Variants in ITPR1 observed in about 807,000 individuals in gnomAD.
ITPR1 encodes inositol 1,4,5-trisphosphate-gated calcium channel ITPR1.
ITPR1 carries 96 observed loss-of-function variants against 318.4 expected under a neutral mutation model. The ratio of observed to expected loss-of-function variants is 0.30; its 90% confidence interval spans 0.26 to 0.36. ITPR1 has a LOEUF of 0.36. ITPR1 is among the 10% of genes least tolerant of loss of function. The pLI is 1.00. For synonymous variants in ITPR1, 1,312 were observed against 1,289.9 expected, an observed-to-expected ratio of 1.02 and a Z score of -0.37; for missense variants, 2,440 against 3,460.2, an observed-to-expected ratio of 0.71 and a Z score of 7.40.
chr3:4,516,399 GC>G, intron 2 of ITPR1, 76 bp from the exon 3 acceptor site: 1 of 757,014 alleles, frequency 1.3e-6, no homozygotes, highest in South Asian at 2.0e-5. Flanking sequence ...ATTGAGCTAA[GC>G]CAACTCTTAG....
chr3:4,612,274 C>A (rs1359812867), intron 4 of ITPR1, among the ~76,000 whole-genome samples: 1 of 151,932 alleles, frequency 6.6e-6, no homozygotes, highest in Non-Finnish European at 1.5e-5. Context: ...GTTGGCCAGG[C>A]TGGTCTCGAG....
chr3:4,592,945 G>A (rs758075030), intron 4 of ITPR1, among the ~76,000 whole-genome samples: 1 of 152,132 alleles, frequency 6.6e-6, no homozygotes, highest in Non-Finnish European at 1.5e-5. Context: ...GGAACACTGC[G>A]GGAGTGGTCT....
chr3:4,624,150 TG>T (rs2092737958), intron 4 of ITPR1, among the ~76,000 whole-genome samples: 1 of 152,182 alleles, frequency 6.6e-6, no homozygotes, highest in African/African-American at 2.4e-5. Context: ...TTTTTGGGAA[TG>T]CATACCACTT....
intron 4 of ITPR1, among the ~76,000 whole-genome samples, chr3:4,564,193 G>A (rs1377897531): frequency 6.6e-6 from 1 of 151,996 alleles, no homozygotes; most frequent in South Asian, 2.1e-4. Context: ...CACCCGCCTC[G>A]GCCTCCCAAA....
At chr3:4,495,234 T>A (rs1309689633) in intron 2 of ITPR1, among the ~76,000 whole-genome samples, 4 of 149,276 alleles carry the variant, frequency 2.7e-5, no homozygotes, top group Non-Finnish European at 5.9e-5. Context: ...GATTTGGCTA[T>A]CAGGAGTTTT....
At chr3:4,547,889 G>C (rs1233345026) in intron 4 of ITPR1, among the ~76,000 whole-genome samples, 1 of 152,020 alleles carries the variant, frequency 6.6e-6, no homozygotes, top group East Asian at 1.9e-4. Context: ...GTATCATTCA[G>C]ATTATTTTTT....
chr3:4,531,890 C>T (rs1323879440), intron 4 of ITPR1, among the ~76,000 whole-genome samples: 4 of 152,208 alleles, frequency 2.6e-5, no homozygotes, highest in African/African-American at 9.6e-5. Context: ...GTGGGTTTGG[C>T]TCTCAGCCCT....
intron 13 of ITPR1, among the ~76,000 whole-genome samples, 193 bp downstream of exon 13, chr3:4,658,471 T>C (rs562531368): frequency 1.3e-5 from 2 of 151,906 alleles, no homozygotes; most frequent in East Asian, 2.0e-4. Flanking sequence ...TTCTCAGTAG[T>C]TGAATGAGAA....
At chr3:4,641,539 G>C (rs1348516816) in intron 6 of ITPR1, among the ~76,000 whole-genome samples, 1 of 152,162 alleles carries the variant, frequency 6.6e-6, no homozygotes, top group Non-Finnish European at 1.5e-5. Context: ...CCCACACTTG[G>C]TTAATTTTAA....
intron 60 of ITPR1, among the ~76,000 whole-genome samples, chr3:4,832,587 A>G (rs2050593553): frequency 1.3e-5 from 2 of 152,142 alleles, no homozygotes; most frequent in African/African-American, 4.8e-5. Flanking sequence ...ATGAGCTGAG[A>G]TGGCGCCACT....
intron 4 of ITPR1, among the ~76,000 whole-genome samples, chr3:4,583,315 A>G (rs1493116): frequency 0.055 from 8,321 of 152,088 alleles, 313 homozygotes; most frequent in Non-Finnish European, 0.08. Flanking sequence ...TAGACTTGGG[A>G]AAAAAAAGTT....
At chr3:4,655,959 C>T (rs528241981) in intron 12 of ITPR1, among the ~76,000 whole-genome samples, 1 of 152,152 alleles carries the variant, frequency 6.6e-6, no homozygotes, top group Non-Finnish European at 1.5e-5. Context: ...GATGGAAAAC[C>T]TCGAATTTTT....
chr3:4,548,572 A>G (rs1238623761), intron 4 of ITPR1, among the ~76,000 whole-genome samples: 2 of 152,018 alleles, frequency 1.3e-5, no homozygotes, highest in East Asian at 1.9e-4. Flanking sequence ...TGATGAATGA[A>G]CTCTTTGTCC....
At chr3:4,700,941 G>A (rs1053612870) in intron 35 of ITPR1, among the ~76,000 whole-genome samples, 1 of 152,130 alleles carries the variant, frequency 6.6e-6, no homozygotes, top group African/African-American at 2.4e-5. Context: ...ACTATCATGA[G>A]AACAGCATGG....
chr3:4,712,452 A>G (rs191354144), intron 39 of ITPR1, among the ~76,000 whole-genome samples: 8 of 152,374 alleles, frequency 5.3e-5, no homozygotes, highest in Admixed American at 3.3e-4. Context: ...AGAGCAGGAC[A>G]GAAACAATGT....
At chr3:4,669,842 A>C (rs2094034304) in intron 19 of ITPR1, 69 bp downstream of exon 19, 6 of 1,409,082 alleles carry the variant, frequency 4.3e-6, no homozygotes, top group Non-Finnish European at 5.6e-6. Flanking sequence ...ATGAGGAATA[A>C]AACCTAGCCC....
Position 4,783,922 on chromosome 3 carries a change from TA to T in ITPR1, c.6615+6del. ...GCCAAGCACACGGCGCAGATAGAGG[TA>T]AAAGCTGAGTAAACTCAGGGCATGG... On this transcript the variant is annotated splice_donor_region_variant and intron_variant, in intron 51 of 61. Transcript: ENST00000649015. 1 of 1,595,854 alleles carries T rather than the reference TA, an allele frequency of 6.3e-7. No homozygotes were observed. Among genetic ancestry groups the T allele is most frequent in the Non-Finnish European group, 8.5e-7 (1 of 1,170,124 alleles).
Position 4,699,872 on chromosome 3 carries a change from C to A in ITPR1, c.4467C>A (p.Thr1489=). Reference sequence around the variant, plus strand: ...ACTCGATTTTGGAGAAGTATGTCACCGAAATCGTCATGAGTATTGTTACTA... The same window carrying A: ...ACTCGATTTTGGAGAAGTATGTCACAGAAATCGTCATGAGTATTGTTACTA... ...HADSILEKYV[T]EIVMSIVTTF... is the part of the protein sequence containing the mutation. The change falls in exon 35 of 62, where the codon ACC becomes ACA. Residue 1489 remains threonine (T), a synonymous_variant. Transcript: ENST00000649015. The A allele has an allele frequency of 6.2e-7, 1 of 1,613,548 alleles. No individual in the cohort carries two copies. The highest frequency in any genetic ancestry group is 8.5e-7 in the Non-Finnish European group (1 of 1,179,544).
intron 4 of ITPR1, among the ~76,000 whole-genome samples, chr3:4,602,629 G>C (rs1365315720): frequency 6.6e-6 from 1 of 151,872 alleles, no homozygotes; most frequent in Non-Finnish European, 1.5e-5. Context: ...CAGCTAATAA[G>C]TGGATTTTAA....
Sources: allele counts gnomAD v4.1 joint callset (sites outside exome capture counted in the v4.1 genomes callset), GRCh38; gene constraint gnomAD v4.1.1; transcripts MANE v1.5; gene names NCBI Gene and HGNC (gene_info 2026-07-23, HGNC 2026-07-21).